The following SLC24A4 variants were observed in gnomAD, a reference collection of about 807,000 sequenced individuals.
The protein encoded by SLC24A4 is sodium/potassium/calcium exchanger 4.
A neutral mutation model predicts 79.0 loss-of-function variants in SLC24A4; 53 were observed. That is an observed-to-expected ratio of 0.67 (90% confidence interval 0.54 to 0.84). The LOEUF (loss-of-function observed/expected upper bound fraction) is 0.84. SLC24A4 is among the 40% of genes least tolerant of loss of function. SLC24A4 has a pLI of 0.00. For missense variants in SLC24A4, 731 were observed against 822.0 expected (o/e 0.89, Z 1.35); for synonymous variants, 323 against 323.8 (o/e 1.00, Z 0.03).
intron 2 of SLC24A4, among the ~76,000 whole-genome samples, chr14:92,413,723 G>C (rs1890842318): frequency 6.6e-6 from 1 of 152,156 alleles, no homozygotes; most frequent in Non-Finnish European, 1.5e-5. Flanking sequence ...TCCGTTCCGG[G>C]GACAGACCTG....
rs1236742788 is a variant in SLC24A4 at position 92,490,308 on chromosome 14, C to G, written c.1538-1357C>G. The stretch of plus-strand genomic sequence containing the variant: ...GTGGCCGGGTTAGGGCAGATTCCAG[C>G]CAGTACGAGTCTTACTTACAAAAGT... On this transcript the variant is annotated intron_variant, in intron 14 of 16. Transcript: ENST00000532405. The surrounding 1 kb of genome is among the most constrained non-coding windows in gnomAD (Gnocchi z 4.3). Among the ~76,000 whole-genome samples, 1 of 152,190 alleles carries G rather than the reference C, an allele frequency of 6.6e-6. No homozygotes were observed. Among genetic ancestry groups the G allele is most frequent in the Non-Finnish European group, 1.5e-5 (1 of 68,040 alleles).
chr14:92,447,432 C>T lies in SLC24A4; in HGVS notation c.737+8C>T, dbSNP rs1477175372. On this transcript the variant is annotated splice_region_variant and intron_variant, in intron 9 of 16. Coordinates refer to ENST00000532405, the MANE Select transcript of SLC24A4 (RefSeq NM_153646.4). ...TTATATTCTGATCATGAAGTAAGTG[C>T]CCTTTCTCCTCCCCGGGGCTGCCGA... 1 of 1,613,902 alleles carries T rather than the reference C, an allele frequency of 6.2e-7. No individual in the cohort carries two copies. Among genetic ancestry groups the T allele is most frequent in the South Asian group, 1.1e-5 (1 of 91,078 alleles).
chr14:92,348,786 C>A (rs1037088452), intron 2 of SLC24A4, among the ~76,000 whole-genome samples: 3 of 152,272 alleles, frequency 2.0e-5, no homozygotes, highest in South Asian at 2.1e-4. Flanking sequence ...TGAAGCAAAG[C>A]GTTCTAAGGA....
intron 2 of SLC24A4, among the ~76,000 whole-genome samples, chr14:92,427,748 G>A (rs1891643370): frequency 1.3e-5 from 2 of 152,230 alleles, no homozygotes; most frequent in South Asian, 4.1e-4. Context: ...CAAAATTACA[G>A]GGAAGGCCGA....
At chr14:92,343,633 TTTCTTTCTC>T (rs1886317553) in intron 2 of SLC24A4, among the ~76,000 whole-genome samples, 104 of 96,638 alleles carry the variant, frequency 1.1e-3, no homozygotes, top group Middle Eastern at 5.1e-3. Flanking sequence ...TCTTTCTTTC[TTTCTTTCTC>T]TCTTTCCTTC....
At chr14:92,486,003 C>CT (rs1421730734) in intron 13 of SLC24A4, among the ~76,000 whole-genome samples, 1 of 152,236 alleles carries the variant, frequency 6.6e-6, no homozygotes, top group Non-Finnish European at 1.5e-5. Context: ...GCCTTGATCT[C>CT]TGCCTATGCA....
At position 92,368,613 on chromosome 14, in the gene SLC24A4, A is replaced by G. The variant is rs1056311222; in HGVS notation, c.241+42635A>G. On this transcript the variant is annotated intron_variant, in intron 2 of 16. Coordinates refer to ENST00000532405, the MANE Select transcript of SLC24A4 (RefSeq NM_153646.4). ...GGATTTTTTTGGAAAGCTAAAATCC[A>G]GAAAGACAAGGAAGATAAAATATCA... is the stretch of plus-strand genomic sequence containing the variant. Among the ~76,000 whole-genome samples the G allele has an allele frequency of 7.9e-5, 12 of 152,334 alleles. 1 individual carries two copies. Among genetic ancestry groups the G allele is most frequent in the South Asian group, 6.2e-4 (3 of 4,830 alleles).
At chr14:92,383,898 A>G (rs1888995774) in intron 2 of SLC24A4, among the ~76,000 whole-genome samples, 1 of 152,234 alleles carries the variant, frequency 6.6e-6, no homozygotes, top group African/African-American at 2.4e-5. Flanking sequence ...AGCGGGTCCC[A>G]AGCCATGCCT....
At chr14:92,393,470 C>A (rs1358945924) in intron 2 of SLC24A4, among the ~76,000 whole-genome samples, 1 of 151,064 alleles carries the variant, frequency 6.6e-6, no homozygotes, top group Non-Finnish European at 1.5e-5. Context: ...GAGTGGATGG[C>A]GGCCGCCTGA....
At chr14:92,437,827 C>A (rs1892259146) in intron 3 of SLC24A4, among the ~76,000 whole-genome samples, 1 of 152,176 alleles carries the variant, frequency 6.6e-6, no homozygotes, top group East Asian at 1.9e-4. Flanking sequence ...GTTCTGAGTG[C>A]TTTCCTTCTT....
At chr14:92,467,548 C>G (rs1029617931) in intron 12 of SLC24A4, among the ~76,000 whole-genome samples, 4 of 152,104 alleles carry the variant, frequency 2.6e-5, no homozygotes, top group Admixed American at 2.0e-4. Context: ...TTCTTATATT[C>G]TAAGGTGGGA....
intron 2 of SLC24A4, among the ~76,000 whole-genome samples, chr14:92,376,837 A>AGG (rs1888534295): frequency 6.6e-6 from 1 of 152,194 alleles, no homozygotes; most frequent in Non-Finnish European, 1.5e-5. Flanking sequence ...GGGGCAAGGC[A>AGG]GGGGGGTTGC....
intron 2 of SLC24A4, among the ~76,000 whole-genome samples, chr14:92,410,582 C>T (rs1890653203): frequency 6.6e-6 from 1 of 152,220 alleles, no homozygotes; most frequent in South Asian, 2.1e-4. Flanking sequence ...GAATAGCAAA[C>T]CTGTACTGAG....
chr14:92,344,151 A>T (rs1169754999), intron 2 of SLC24A4, among the ~76,000 whole-genome samples: 2 of 152,196 alleles, frequency 1.3e-5, no homozygotes, highest in Admixed American at 1.3e-4. Flanking sequence ...TGGCCAATGG[A>T]TGTGAGCAGA....
At chr14:92,344,212 C>T (rs2141626461) in intron 2 of SLC24A4, among the ~76,000 whole-genome samples, 1 of 152,322 alleles carries the variant, frequency 6.6e-6, no homozygotes, top group South Asian at 2.1e-4. Context: ...TGTGTTTCTG[C>T]CAGCTCTTGC....
intron 8 of SLC24A4, among the ~76,000 whole-genome samples, chr14:92,446,366 C>T (rs566140245): frequency 7.9e-5 from 12 of 152,094 alleles, no homozygotes; most frequent in East Asian, 5.8e-4. Context: ...AGGCTGGTCT[C>T]GAACTCCTGG....
At chr14:92,403,123 T>C (rs1340131535) in intron 2 of SLC24A4, among the ~76,000 whole-genome samples, 1 of 152,120 alleles carries the variant, frequency 6.6e-6, no homozygotes, top group East Asian at 1.9e-4. Flanking sequence ...CACCTGCTTC[T>C]GAAGCACTGA....
intron 2 of SLC24A4, chr14:92,408,432 CAT>C: frequency 5.1e-6 from 5 of 985,286 alleles, no homozygotes; most frequent in Non-Finnish European, 6.0e-6. Context: ...TCTCTGCAAA[CAT>C]GTGAGTTTAT....
At chr14:92,327,061 A>T (rs1885184698) in intron 2 of SLC24A4, among the ~76,000 whole-genome samples, 1 of 152,208 alleles carries the variant, frequency 6.6e-6, no homozygotes. Context: ...TCTGGGGAGA[A>T]GGCACAAGTT....
Sources: gnomAD v4.1 joint callset for allele counts (sites outside exome capture counted in the v4.1 genomes callset) on GRCh38, gnomAD v4.1.1 for gene constraint, Gnocchi (gnomAD v3.1) non-coding constraint, MANE v1.5 for transcripts, NCBI Gene and HGNC (gene_info 2026-07-23, HGNC 2026-07-21) for gene names.